VTCN1: variants seen among roughly 807,000 people sequenced by gnomAD.
VTCN1 encodes V-set domain containing T cell activation inhibitor 1.
In VTCN1, 26 loss-of-function variants were observed where a neutral mutation model predicts 26.5. That is an observed-to-expected ratio of 0.98 (90% CI 0.72 to 1.36). The LOEUF is 1.36. Ranked by LOEUF, VTCN1 falls within the 40% of genes most tolerant of loss-of-function variation. VTCN1 has a pLI of 0.00. For synonymous variants in VTCN1, 116 were observed against 130.7 expected (o/e 0.89, Z 0.77); for missense variants, 298 against 337.7 (o/e 0.88, Z 0.92).
In VTCN1 at chr1:117,151,716, C is replaced by T. The variant is rs114634655; in HGVS notation, c.724+1375G>A. On this transcript the variant is annotated intron_variant, in intron 4 of 5. Coordinates refer to ENST00000369458, the MANE Select transcript of VTCN1 (RefSeq NM_024626.4). ...AAGTCCCCACTCGACCCACGAAGTC[C>T]GGCTGGCTCCATATCTCAGTAGTTC... Among the ~76,000 whole-genome samples, 1,207 of 152,260 alleles carry T rather than the reference C, an allele frequency of 7.9e-3. 13 individuals are homozygous for T. Among genetic ancestry groups the T allele is most frequent in the African/African-American group, 0.028 (1,153 of 41,546 alleles).
At chr1:117,186,651 T>A (rs1365610213) in intron 1 of VTCN1, among the ~76,000 whole-genome samples, 1 of 152,204 alleles carries the variant, frequency 6.6e-6, no homozygotes, top group East Asian at 1.9e-4. Flanking sequence ...ATGGGGCCCC[T>A]TATTTTCCCT....
intron 1 of VTCN1, chr1:117,172,421 C>G (rs1371093109): frequency 1.9e-6 from 1 of 518,798 alleles, no homozygotes; most frequent in South Asian, 1.4e-5. Flanking sequence ...TCAGTGTAGC[C>G]TCAGTTCTTA....
intron 4 of VTCN1, among the ~76,000 whole-genome samples, chr1:117,152,251 A>T (rs1289301811): frequency 6.6e-6 from 1 of 152,240 alleles, no homozygotes; most frequent in Non-Finnish European, 1.5e-5. Flanking sequence ...TTAAAAAATC[A>T]TAAGAATATG....
chr1:117,194,573 C>T (rs888111603), intron 1 of VTCN1, among the ~76,000 whole-genome samples: 1 of 152,174 alleles, frequency 6.6e-6, no homozygotes, highest in Non-Finnish European at 1.5e-5. Flanking sequence ...TGTACCCCCA[C>T]GTTCATTGCA....
intron 1 of VTCN1, among the ~76,000 whole-genome samples, chr1:117,195,536 GA>G (rs1648466291): frequency 6.6e-6 from 1 of 152,046 alleles, no homozygotes; most frequent in Admixed American, 6.6e-5. Context: ...TAAGAAACGA[GA>G]AAGAAAACCT....
chr1:117,201,176 C>T (rs1405891451), intron 1 of VTCN1, among the ~76,000 whole-genome samples: 2 of 152,148 alleles, frequency 1.3e-5, no homozygotes, highest in South Asian at 2.1e-4. Flanking sequence ...TGAGGGTTAA[C>T]TTAGGGAATA....
intron 1 of VTCN1, among the ~76,000 whole-genome samples, chr1:117,198,790 T>G (rs1236380825): frequency 6.6e-6 from 1 of 152,206 alleles, no homozygotes; most frequent in Non-Finnish European, 1.5e-5. Context: ...AAATACGGGG[T>G]GATCCATTCA....
chr1:117,188,433 G>A (rs1648072379), intron 1 of VTCN1, among the ~76,000 whole-genome samples: 1 of 152,116 alleles, frequency 6.6e-6, no homozygotes, highest in African/African-American at 2.4e-5. Context: ...GGGGAATAAG[G>A]GACTGAGGCA....
chr1:117,200,110 T>C (rs1377824104), intron 1 of VTCN1, among the ~76,000 whole-genome samples: 1 of 152,172 alleles, frequency 6.6e-6, no homozygotes, highest in Admixed American at 6.5e-5. Flanking sequence ...TTTATAAGGA[T>C]AGAACTATGG....
At chr1:117,162,689 T>A (rs1421535785) in intron 2 of VTCN1, among the ~76,000 whole-genome samples, 1 of 152,220 alleles carries the variant, frequency 6.6e-6, no homozygotes, top group Admixed American at 6.5e-5. Context: ...GAGGGCTAAT[T>A]AACTACCACA....
intron 1 of VTCN1, among the ~76,000 whole-genome samples, chr1:117,187,751 C>T (rs1053005450): frequency 2.0e-5 from 3 of 151,388 alleles, no homozygotes; most frequent in African/African-American, 7.3e-5. Context: ...ACTGAGGTTC[C>T]AAGATAAAAT....
chr1:117,200,482 A>G (rs1648737118), intron 1 of VTCN1, among the ~76,000 whole-genome samples: 1 of 152,190 alleles, frequency 6.6e-6, no homozygotes, highest in African/African-American at 2.4e-5. Flanking sequence ...TTCAGTATTA[A>G]GTTCCTCTGA....
intron 3 of VTCN1, among the ~76,000 whole-genome samples, chr1:117,153,623 A>C (rs1470361836): frequency 6.6e-6 from 1 of 152,128 alleles, no homozygotes; most frequent in Non-Finnish European, 1.5e-5. Flanking sequence ...CCTAAATTCT[A>C]GGTATATTAT....
In VTCN1 at chr1:117,183,156, C is replaced by T. The variant is rs978749746; in HGVS notation, c.33-12985G>A. On this transcript the variant is annotated intron_variant, in intron 1 of 5. Transcript: ENST00000369458. This position sits in a 1 kb window ranked among gnomAD's most constrained non-coding sequence, Gnocchi z 4.1. ...CCTGTGACTACTTTCTCCCATCTCCCGTCACCTCCACACTCCATCCATTCT... is the reference window on the plus strand; with the variant it reads ...CCTGTGACTACTTTCTCCCATCTCCTGTCACCTCCACACTCCATCCATTCT... 4.6e-5 allele frequency among the ~76,000 whole-genome samples: 7 copies of T among 152,162 alleles called. No individual in the cohort carries two copies. Among genetic ancestry groups the T allele is most frequent in the East Asian group, 3.8e-4 (2 of 5,206 alleles).
chr1:117,163,769 C>T (rs1342058546), intron 2 of VTCN1, among the ~76,000 whole-genome samples: 2 of 152,086 alleles, frequency 1.3e-5, no homozygotes, highest in Non-Finnish European at 2.9e-5. Flanking sequence ...AGAGTGCCAA[C>T]CCAATAAGAA....
chr1:117,210,354 A>G (rs78281823), intron 1 of VTCN1, among the ~76,000 whole-genome samples: 1,635 of 152,222 alleles, frequency 0.011, 34 homozygotes, highest in African/African-American at 0.037. Flanking sequence ...AAGAAATCAC[A>G]CCCACAGAGA....
chr1:117,201,590 G>A (rs1314372746), intron 1 of VTCN1, among the ~76,000 whole-genome samples: 2 of 152,170 alleles, frequency 1.3e-5, no homozygotes, highest in African/African-American at 4.8e-5. Flanking sequence ...TCCTTCTGGA[G>A]GACCTGGCAT....
In VTCN1 at chr1:117,169,997, T is replaced by C. The variant is rs1017757799; in HGVS notation, c.97+110A>G. On this transcript the variant is annotated intron_variant, in intron 2 of 5. Transcript: ENST00000369458. This position sits in a 1 kb window ranked among gnomAD's most constrained non-coding sequence, Gnocchi z 4.0. ...AAGTAGAAGAATGAATGCTATACTCTGAGGTTTTCTGGGTCAAAGCTCTGG... is the reference window on the plus strand; with the variant it reads ...AAGTAGAAGAATGAATGCTATACTCCGAGGTTTTCTGGGTCAAAGCTCTGG... 9.0e-6 allele frequency: 9 copies of C among 1,005,388 alleles called. No individual in the cohort carries two copies. Among genetic ancestry groups the C allele is most frequent in the Admixed American group, 3.6e-5 (2 of 56,062 alleles). The allele number at this position is 1,005,388 out of a possible 1,614,324, so 62.3% of individuals were successfully genotyped here.
chr1:117,160,320 A>G (rs566044809), intron 2 of VTCN1, among the ~76,000 whole-genome samples: 1 of 152,346 alleles, frequency 6.6e-6, no homozygotes, highest in South Asian at 2.1e-4. Flanking sequence ...TTACAGCCAA[A>G]AAAGCCCAAC....
Sources: allele counts gnomAD v4.1 joint callset (sites outside exome capture counted in the v4.1 genomes callset), GRCh38; gene constraint gnomAD v4.1.1; non-coding constraint Gnocchi (gnomAD v3.1); transcripts MANE v1.5; gene names NCBI Gene and HGNC (gene_info 2026-07-23, HGNC 2026-07-21).